Variants in PIGK observed in about 807,000 individuals in gnomAD.
The protein encoded by PIGK is GPI-anchor transamidase.
Under a neutral mutation model 50.6 loss-of-function variants are expected in PIGK, and 42 were observed. The ratio of observed to expected loss-of-function variants is 0.83; its 90% CI spans 0.65 to 1.07. The LOEUF (loss-of-function observed/expected upper bound fraction) is 1.07. Ranked by LOEUF, PIGK falls within the 50% of genes least tolerant of loss-of-function variation. PIGK has a pLI of 0.00. For missense variants in PIGK, 448 were observed against 488.7 expected (o/e 0.92, Z 0.78); for synonymous variants, 151 against 156.0 (o/e 0.97, Z 0.24).
intron 10 of PIGK, among the ~76,000 whole-genome samples, chr1:77,119,933 A>G (rs1654057518): frequency 2.0e-5 from 3 of 152,220 alleles, no homozygotes; most frequent in Admixed American, 2.0e-4. Flanking sequence ...CATAGTACAA[A>G]GCAAGATGCT....
At chr1:77,138,386 C>T (rs1654569699) in intron 9 of PIGK, among the ~76,000 whole-genome samples, 1 of 152,214 alleles carries the variant, frequency 6.6e-6, no homozygotes, top group African/African-American at 2.4e-5. Flanking sequence ...GGACCTAAGA[C>T]AGCTTATAGA....
intron 6 of PIGK, among the ~76,000 whole-genome samples, chr1:77,162,748 T>C (rs1655157180): frequency 1.3e-5 from 2 of 150,356 alleles, no homozygotes; most frequent in Non-Finnish European, 2.9e-5. Flanking sequence ...AACCACAGTA[T>C]CATCGAAGAA....
intron 4 of PIGK, among the ~76,000 whole-genome samples, chr1:77,168,424 T>C (rs1655280004): frequency 1.3e-5 from 2 of 152,196 alleles, no homozygotes. Context: ...GGAATTCTTG[T>C]TGGCCAACAA....
chr1:77,213,828 T>C (rs1281936208), intron 1 of PIGK, among the ~76,000 whole-genome samples: 1 of 151,794 alleles, frequency 6.6e-6, no homozygotes, highest in African/African-American at 2.4e-5. Context: ...CCCAAATAAA[T>C]ATATTCAGAA....
chr1:77,143,267 G>T (rs1477328568), intron 9 of PIGK, among the ~76,000 whole-genome samples: 1 of 152,122 alleles, frequency 6.6e-6, no homozygotes, highest in East Asian at 1.9e-4. Flanking sequence ...TCTTGGTCAA[G>T]TATTTAATAA....
At chr1:77,095,736 A>G (rs569445580) in intron 10 of PIGK, among the ~76,000 whole-genome samples, 4 of 152,198 alleles carry the variant, frequency 2.6e-5, no homozygotes, top group African/African-American at 9.6e-5. Context: ...TAAGTGCCCC[A>G]AAAAACAGGC....
intron 10 of PIGK, among the ~76,000 whole-genome samples, chr1:77,096,796 G>A (rs1367822662): frequency 2.0e-5 from 3 of 151,102 alleles, no homozygotes; most frequent in Non-Finnish European, 4.4e-5. Flanking sequence ...CGGTGACAAC[G>A]TGAAGAAAAG....
Position 77,219,274 on chromosome 1 carries a change from GCCTC to G in PIGK, c.93+32_93+35del, listed in dbSNP as rs762396790. The G allele has an allele frequency of 4.0e-5, 63 of 1,556,460 alleles. No individual in the cohort carries two copies. The South Asian group carries it at 6.9e-4, about 17-fold the overall frequency. On this transcript the variant is annotated intron_variant, in intron 1 of 10. Coordinates refer to ENST00000370812, the MANE Select transcript of PIGK (RefSeq NM_005482.3). Reference sequence around the variant, plus strand: ...ACATCTGCTGGAGGGCTCACAGCCGGCCTCCCGGCTGTGGTCAAATGAGCCTGAC... The same window carrying G: ...ACATCTGCTGGAGGGCTCACAGCCGGCCGGCTGTGGTCAAATGAGCCTGAC...
chr1:77,169,862 A>C (rs1655322333), intron 3 of PIGK, among the ~76,000 whole-genome samples: 1 of 152,234 alleles, frequency 6.6e-6, no homozygotes, highest in South Asian at 2.1e-4. Context: ...TGTCCCAAAG[A>C]ATTTAACTTT....
intron 9 of PIGK, among the ~76,000 whole-genome samples, chr1:77,147,781 T>C (rs544355463): frequency 3.2e-4 from 48 of 152,332 alleles, no homozygotes; most frequent in Non-Finnish European, 5.4e-4. Context: ...CAGTCCTTAT[T>C]TTACCTCATC....
intron 10 of PIGK, among the ~76,000 whole-genome samples, chr1:77,096,881 C>CTTTTTTTTT (rs141858558): frequency 1.4e-3 from 173 of 123,638 alleles, no homozygotes; most frequent in East Asian, 2.7e-3. Context: ...TCGGGTTTTT[C>CTTTTTTTTT]TTTTTTTTTT....
intron 10 of PIGK, among the ~76,000 whole-genome samples, chr1:77,109,103 T>A (rs950845321): frequency 1.3e-5 from 2 of 152,150 alleles, no homozygotes; most frequent in African/African-American, 4.8e-5. Flanking sequence ...GCTCTGAAAT[T>A]GAGGCAATAA....
intron 3 of PIGK, among the ~76,000 whole-genome samples, chr1:77,202,545 G>C (rs1028060394): frequency 3.3e-5 from 5 of 152,206 alleles, no homozygotes; most frequent in East Asian, 1.9e-4. Flanking sequence ...CAGAATGTCA[G>C]ATTTGGAATC....
At chr1:77,102,175 T>G (rs1259689232) in intron 10 of PIGK, among the ~76,000 whole-genome samples, 2 of 152,190 alleles carry the variant, frequency 1.3e-5, no homozygotes, top group South Asian at 4.1e-4. Context: ...TATTACTTCA[T>G]TGTGCGATTA....
chr1:77,168,958 T>A (rs1655293444), intron 4 of PIGK, among the ~76,000 whole-genome samples: 1 of 152,000 alleles, frequency 6.6e-6, no homozygotes, highest in African/African-American at 2.4e-5. Flanking sequence ...ATATGAAAAA[T>A]ACACATTTAC....
At chr1:77,105,730 T>A (rs1653654203) in intron 10 of PIGK, among the ~76,000 whole-genome samples, 1 of 152,200 alleles carries the variant, frequency 6.6e-6, no homozygotes, top group Admixed American at 6.5e-5. Flanking sequence ...TGATGTAACA[T>A]AGCCATGCTC....
intron 3 of PIGK, among the ~76,000 whole-genome samples, chr1:77,178,419 T>C (rs1018854177): frequency 1.3e-5 from 2 of 152,220 alleles, no homozygotes; most frequent in African/African-American, 2.4e-5. Flanking sequence ...GTAATATGTA[T>C]AGTTACACAA....
chr1:77,205,817 G>A (rs1488752218), intron 3 of PIGK, among the ~76,000 whole-genome samples: 2 of 152,150 alleles, frequency 1.3e-5, no homozygotes, highest in Non-Finnish European at 2.9e-5. Flanking sequence ...TAGAAGACAT[G>A]CTCTGAGTGA....
intron 1 of PIGK, among the ~76,000 whole-genome samples, chr1:77,216,857 C>T (rs1054310411): frequency 5.9e-5 from 9 of 152,148 alleles, no homozygotes; most frequent in African/African-American, 2.2e-4. Context: ...CTCCAAAGTT[C>T]TTACTTCTTT....
Sources: allele counts gnomAD v4.1 joint callset (sites outside exome capture counted in the v4.1 genomes callset), GRCh38; gene constraint gnomAD v4.1.1; transcripts MANE v1.5; gene names NCBI Gene and HGNC (gene_info 2026-07-23, HGNC 2026-07-21).